The following PTPRG variants were observed in gnomAD, a reference collection of about 807,000 sequenced individuals.
PTPRG encodes protein tyrosine phosphatase receptor type G.
Under a neutral mutation model 165.3 loss-of-function variants are expected in PTPRG, and 102 were observed. That is an observed-to-expected ratio of 0.62 (90% CI 0.53 to 0.73). PTPRG has a LOEUF of 0.73. PTPRG is among the 30% of genes least tolerant of loss of function. The pLI, the probability that PTPRG is intolerant of heterozygous loss-of-function variation, is 0.00. For synonymous variants in PTPRG, 675 were observed against 669.5 expected, an observed-to-expected ratio of 1.01 and a Z score of -0.13; for missense variants, 1,866 against 1,861.4, an observed-to-expected ratio of 1.00 and a Z score of -0.05.
At chr3:62,037,762 A>T (rs1175403519) in intron 4 of PTPRG, among the ~76,000 whole-genome samples, 3 of 152,208 alleles carry the variant, frequency 2.0e-5, no homozygotes, top group Non-Finnish European at 4.4e-5. Flanking sequence ...GCCCAGGTCA[A>T]AATGCAGGCA....
At chr3:62,054,336 T>C (rs1700560913) in intron 4 of PTPRG, among the ~76,000 whole-genome samples, 2 of 152,234 alleles carry the variant, frequency 1.3e-5, no homozygotes, top group African/African-American at 2.4e-5. Context: ...TGGGTTTCTT[T>C]CTTCTATTTG....
chr3:61,597,441 G>A (rs985976679), intron 1 of PTPRG, among the ~76,000 whole-genome samples: 2 of 152,082 alleles, frequency 1.3e-5, no homozygotes, highest in South Asian at 4.1e-4. Flanking sequence ...TGTTAGGGAG[G>A]CCTGACTGCA....
At chr3:61,692,784 G>T in intron 1 of PTPRG, among the ~76,000 whole-genome samples, 1 of 152,150 alleles carries the variant, frequency 6.6e-6, no homozygotes, top group Non-Finnish European at 1.5e-5. Flanking sequence ...GTGGTGGAAT[G>T]TCATCAGTTA....
At chr3:61,758,006 A>G (rs763002989) in intron 2 of PTPRG, among the ~76,000 whole-genome samples, 109 of 152,310 alleles carry the variant, frequency 7.2e-4, no homozygotes, top group Non-Finnish European at 1.4e-3. Context: ...TAACCTAACA[A>G]AACGTTCTCT....
intron 1 of PTPRG, among the ~76,000 whole-genome samples, chr3:61,618,741 G>T (rs188252580): frequency 6.6e-6 from 1 of 152,162 alleles, no homozygotes; most frequent in African/African-American, 2.4e-5. Context: ...TCATAAAGCT[G>T]AACTTTCCAG....
At chr3:62,012,267 G>A (rs1389641079) in intron 4 of PTPRG, among the ~76,000 whole-genome samples, 3 of 152,132 alleles carry the variant, frequency 2.0e-5, no homozygotes, top group Admixed American at 6.6e-5. Flanking sequence ...CAGAATCTGG[G>A]CTCGAATATC....
At chr3:61,895,312 A>G (rs1473795810) in intron 2 of PTPRG, among the ~76,000 whole-genome samples, 2 of 152,202 alleles carry the variant, frequency 1.3e-5, no homozygotes, top group African/African-American at 4.8e-5. Context: ...AGTAGCCACA[A>G]AGAGCTGAAC....
At chr3:61,925,072 T>G (rs936728784) in intron 2 of PTPRG, among the ~76,000 whole-genome samples, 2 of 152,220 alleles carry the variant, frequency 1.3e-5, no homozygotes, top group African/African-American at 2.4e-5. Flanking sequence ...CTGTGAGAAA[T>G]AAATTTCTAT....
Position 61,696,294 on chromosome 3 carries a change from G to A in PTPRG, c.86-52584G>A, listed in dbSNP as rs367833223. Among the ~76,000 whole-genome samples, 133 of 152,294 alleles carry A rather than the reference G, an allele frequency of 8.7e-4. 2 individuals are homozygous for A. In the Middle Eastern group the frequency reaches 0.014, roughly 16 times the overall value. ...AGGTGCGTGGTTCGCCTGAGGCCAG[G>A]AGTTCGAGACCGGTCTGACCAACAT... is the stretch of plus-strand genomic sequence containing the variant. On this transcript the variant is annotated intron_variant, in intron 1 of 29. Coordinates refer to ENST00000474889, the MANE Select transcript of PTPRG (RefSeq NM_002841.4).
chr3:61,810,871 A>G (rs1161452683), intron 2 of PTPRG, among the ~76,000 whole-genome samples: 1 of 152,172 alleles, frequency 6.6e-6, no homozygotes, highest in African/African-American at 2.4e-5. Context: ...TTAGCGTTCC[A>G]CCATCAAGGT....
At chr3:61,873,795 A>AG (rs1469955646) in intron 2 of PTPRG, among the ~76,000 whole-genome samples, 2 of 152,142 alleles carry the variant, frequency 1.3e-5, no homozygotes, top group African/African-American at 2.4e-5. Context: ...ATAAATGATT[A>AG]GCTAAGTGAT....
chr3:62,026,879 T>TAAAAAAAAAAAAAAAAAAAAAAAAAA (rs200417191), intron 4 of PTPRG, among the ~76,000 whole-genome samples: 9 of 94,654 alleles, frequency 9.5e-5, no homozygotes, highest in South Asian at 3.4e-4. Flanking sequence ...GAGTGAGAAT[T>TAAAAAAAAAAAAAAAAAAAAAAAAAA]AAAAAAAAAA....
intron 1 of PTPRG, among the ~76,000 whole-genome samples, chr3:61,572,378 T>C (rs1700076190): frequency 6.6e-6 from 1 of 151,890 alleles, no homozygotes; most frequent in African/African-American, 2.4e-5. Context: ...ATGATTGGAG[T>C]GGTGGGGGCA....
At chr3:62,208,123 T>C (rs1477961483) in intron 12 of PTPRG, among the ~76,000 whole-genome samples, 2 of 152,206 alleles carry the variant, frequency 1.3e-5, no homozygotes, top group African/African-American at 4.8e-5. Flanking sequence ...TGTTGATTGC[T>C]AGAGTTGCAA....
chr3:62,150,462 A>G (rs1412808457), intron 6 of PTPRG, among the ~76,000 whole-genome samples: 1 of 152,204 alleles, frequency 6.6e-6, no homozygotes, highest in Non-Finnish European at 1.5e-5. Context: ...ACTGGATCAG[A>G]ATCTGCATTT....
intron 5 of PTPRG, among the ~76,000 whole-genome samples, chr3:62,126,682 G>C (rs1334025883): frequency 6.6e-6 from 1 of 152,190 alleles, no homozygotes; most frequent in African/African-American, 2.4e-5. Context: ...GTATGATCCT[G>C]GAATTTAGTA....
At position 62,296,167 on chromosome 3, in the gene PTPRG, C is replaced by A. The variant is rs1297608455; in HGVS notation, c.*2860C>A. On this transcript the variant is annotated 3_prime_UTR_variant, in exon 30 of 30. Transcript: ENST00000474889. ...TTCTTATATGCGATAGCCAAGATAT[C>A]TTCTTTAATATGAAAAAAGTTAATT... 2 of 151,982 alleles carry A rather than the reference C, an allele frequency of 1.3e-5. No homozygotes were observed. The highest frequency in any genetic ancestry group is 4.8e-5 in the African/African-American group (2 of 41,414). 9.4% of individuals were successfully genotyped at this position (151,982 alleles called of 1,614,324 possible). A position where few individuals can be genotyped will look rare whatever the true frequency, so the allele number is the denominator to read the frequency against.
intron 2 of PTPRG, among the ~76,000 whole-genome samples, chr3:61,753,935 A>C (rs1159152949): frequency 6.6e-6 from 1 of 152,078 alleles, no homozygotes; most frequent in African/African-American, 2.4e-5. Context: ...CTCTCTTGCC[A>C]CTCAAAGACT....
intron 5 of PTPRG, among the ~76,000 whole-genome samples, chr3:62,090,597 A>C (rs563361235): frequency 2.0e-5 from 3 of 152,182 alleles, no homozygotes; most frequent in Non-Finnish European, 4.4e-5. Flanking sequence ...AGACAGGTAA[A>C]ATCCCAAGTC....
Sources: allele counts gnomAD v4.1 joint callset (sites outside exome capture counted in the v4.1 genomes callset), GRCh38; gene constraint gnomAD v4.1.1; transcripts MANE v1.5; gene names NCBI Gene and HGNC (gene_info 2026-07-23, HGNC 2026-07-21).